Variants in EVA1C observed in about 807,000 individuals in gnomAD.
EVA1C encodes eva-1 homolog C, also known as protein eva-1 homolog C.
A neutral mutation model predicts 45.4 loss-of-function variants in EVA1C; 25 were observed. The ratio of observed to expected loss-of-function variants is 0.55; its 90% CI spans 0.40 to 0.77. The LOEUF is 0.77. EVA1C is among the 30% of genes least tolerant of loss of function. EVA1C has a pLI of 0.00. For synonymous variants in EVA1C, 190 were observed against 221.2 expected (o/e 0.86, Z 1.25); for missense variants, 479 against 554.8 (o/e 0.86, Z 1.37).
At position 32,457,673 on chromosome 21, in the gene EVA1C, G is replaced by T; in HGVS notation, c.434G>T (p.Cys145Phe). The T allele has an allele frequency of 6.2e-7, 1 of 1,614,144 alleles. No individual in the cohort carries two copies. Among genetic ancestry groups the T allele is most frequent in the Non-Finnish European group, 8.5e-7 (1 of 1,180,016 alleles). ...AGCCGTGTTTTTGGACCTGACCTTT[G>T]TCCAGGAAGCAGTAAATACCTCCTG... ...VNSRVFGPDLCPGSSKYLLVS... is the reference protein window; with the variant it reads ...VNSRVFGPDLFPGSSKYLLVS... The change falls in exon 3 of 8, where the codon TGT (cysteine) becomes TTT (phenylalanine). Residue 145 changes from cysteine (C) to phenylalanine (F), a missense_variant. This residue lies in a region of EVA1C where 366 missense variants were observed against 426.1 expected (regional missense o/e 0.86). Transcript: ENST00000300255.
At position 32,412,834 on chromosome 21, in the gene EVA1C, G is replaced by T; in HGVS notation, c.-20G>T. On this transcript the variant is annotated 5_prime_UTR_variant, in exon 1 of 8. Transcript: ENST00000300255. ...CAGCGCGTCCCGGGCCTGCGCCTCC[G>T]CCCCGCCGCGCAGCGCACGATGCTT... 2.1e-6 allele frequency: 3 copies of T among 1,410,820 alleles called. No homozygotes were observed. Among genetic ancestry groups the T allele is most frequent in the Non-Finnish European group, 2.8e-6 (3 of 1,090,356 alleles). 87.4% of individuals were successfully genotyped at this position (1,410,820 alleles called of 1,614,324 possible). A position where few individuals can be genotyped will look rare whatever the true frequency, so the allele number is the denominator to read the frequency against.
At chr21:32,425,741 C>T (rs773279464) in intron 1 of EVA1C, among the ~76,000 whole-genome samples, 4 of 152,092 alleles carry the variant, frequency 2.6e-5, no homozygotes, top group Non-Finnish European at 4.4e-5. Context: ...GATTTTGTCC[C>T]TTGGGAATAT....
At chr21:32,441,808 A>T (rs899902172) in intron 1 of EVA1C, among the ~76,000 whole-genome samples, 5 of 152,210 alleles carry the variant, frequency 3.3e-5, no homozygotes, top group Admixed American at 6.5e-5. Context: ...TAATTGGGTG[A>T]CTATTAGAAA....
chr21:32,506,776 A>G (rs975252366), intron 7 of EVA1C, among the ~76,000 whole-genome samples: 1 of 152,172 alleles, frequency 6.6e-6, no homozygotes, highest in African/African-American at 2.4e-5. Context: ...GCCACCAGCC[A>G]ATGTCACACA....
intron 7 of EVA1C, among the ~76,000 whole-genome samples, chr21:32,509,687 CGAGT>C (rs1382265761): frequency 1.3e-5 from 2 of 151,836 alleles, no homozygotes; most frequent in East Asian, 1.9e-4. Context: ...ACCCACTCAG[CGAGT>C]GAGTGACGAT....
At chr21:32,510,368 AC>A (rs1269726616) in intron 7 of EVA1C, among the ~76,000 whole-genome samples, 1 of 152,058 alleles carries the variant, frequency 6.6e-6, no homozygotes, top group Non-Finnish European at 1.5e-5. Context: ...TTCCGCCATT[AC>A]TTTTGCACCA....
At chr21:32,479,963 C>G (rs2036718237) in intron 4 of EVA1C, among the ~76,000 whole-genome samples, 1 of 151,790 alleles carries the variant, frequency 6.6e-6, no homozygotes, top group African/African-American at 2.4e-5. Flanking sequence ...AGCTGCATGC[C>G]TTGGTAAACT....
intron 6 of EVA1C, among the ~76,000 whole-genome samples, chr21:32,502,687 A>G (rs6517102): frequency 0.26 from 40,035 of 152,104 alleles, 6,871 homozygotes; most frequent in African/African-American, 0.49. Context: ...AGCTCAAAGA[A>G]AACTATTGGT....
intron 4 of EVA1C, among the ~76,000 whole-genome samples, chr21:32,471,298 G>T (rs1267316086): frequency 3.3e-5 from 5 of 150,626 alleles, no homozygotes; most frequent in African/African-American, 1.2e-4. Flanking sequence ...CGGGCTCTGT[G>T]TTCCCCTACT....
At chr21:32,441,049 C>T (rs941800744) in intron 1 of EVA1C, among the ~76,000 whole-genome samples, 11 of 152,134 alleles carry the variant, frequency 7.2e-5, no homozygotes, top group African/African-American at 2.7e-4. Context: ...TTGCAGTGAG[C>T]CAAGATGATG....
Position 32,452,611 on chromosome 21 carries a change from C to T in EVA1C, c.161-701C>T, listed in dbSNP as rs1317551894. 2.6e-5 allele frequency: 4 copies of T among 152,236 alleles called. No individual in the cohort carries two copies. The highest frequency in any genetic ancestry group is 4.8e-5 in the African/African-American group (2 of 41,440). 9.4% of individuals were successfully genotyped at this position (152,236 alleles called of 1,614,324 possible). On this transcript the variant is annotated intron_variant, in intron 1 of 7. Coordinates refer to ENST00000300255, the MANE Select transcript of EVA1C (RefSeq NM_058187.5). The surrounding 1 kb of genome is among the most constrained non-coding windows in gnomAD (Gnocchi z 4.0). Reference sequence around the variant, plus strand: ...CACAAAGACAGATGGCTTTCTGTATCCCAGGTTCTTGCCCTAGTGTACTCG... The same window carrying T: ...CACAAAGACAGATGGCTTTCTGTATTCCAGGTTCTTGCCCTAGTGTACTCG...
At chr21:32,413,077 T>C (rs2146081849) in intron 1 of EVA1C, 64 bp downstream of exon 1, 4 of 1,274,744 alleles carry the variant, frequency 3.1e-6, no homozygotes, top group Non-Finnish European at 3.0e-6. Context: ...AACCCTCGAC[T>C]GGGGGCAGCC....
chr21:32,509,777 G>T (rs1358879624), intron 7 of EVA1C, among the ~76,000 whole-genome samples: 1 of 151,636 alleles, frequency 6.6e-6, no homozygotes, highest in Non-Finnish European at 1.5e-5. Context: ...GGCTAAGGCA[G>T]GGGGAGGTAT....
Position 32,501,408 on chromosome 21 carries a change from CT to C in EVA1C, c.779-3del. On this transcript the variant is annotated splice_polypyrimidine_tract_variant and splice_region_variant and intron_variant, in intron 5 of 7. Coordinates refer to ENST00000300255, the MANE Select transcript of EVA1C (RefSeq NM_058187.5). ...CGAATTTAAAATATTTCTTTTTTGG[CT>C]TTTAGTTCCCAAGAACATACTCACA... 1 of 1,581,472 alleles carries C rather than the reference CT, an allele frequency of 6.3e-7. No homozygotes were observed.
chr21:32,499,915 G>T (rs1354124090), intron 5 of EVA1C, among the ~76,000 whole-genome samples: 4 of 152,108 alleles, frequency 2.6e-5, no homozygotes, highest in African/African-American at 9.7e-5. Context: ...CTTAGGGTCA[G>T]TTCAGCAGAG....
chr21:32,453,161 A>T (rs2035646925), intron 1 of EVA1C, 151 bp from the exon 2 acceptor site: 3 of 538,646 alleles, frequency 5.6e-6, no homozygotes, highest in African/African-American at 1.9e-5. Flanking sequence ...TGGTTTGGTG[A>T]CCTCTGCACC....
At chr21:32,479,042 TTAAG>T (rs1417660300) in intron 4 of EVA1C, among the ~76,000 whole-genome samples, 1 of 152,258 alleles carries the variant, frequency 6.6e-6, no homozygotes, top group Non-Finnish European at 1.5e-5. Context: ...AGTTTCACTG[TTAAG>T]TAATAGCCAA....
Position 32,467,791 on chromosome 21 carries a change from A to G in EVA1C, c.577A>G (p.Arg193Gly). Residue 193 changes from arginine (R) to glycine (G), a missense_variant, in exon 4 of 8, where the codon AGG (arginine) becomes GGG (glycine). Physicochemically the swap from Arg to Gly is moderately radical, Grantham distance 125. This residue lies in a region of EVA1C where 366 missense variants were observed against 426.1 expected (regional missense o/e 0.86). Transcript: ENST00000300255. The stretch of plus-strand genomic sequence containing the variant: ...CAACATCTACTCTGCGACCTACGGC[A>G]GGAGGACCCAGGAAAGGGACATCTG... ...FLNIYSATYG[R>G]RTQERDICSS... The G allele has an allele frequency of 2.5e-6, 4 of 1,613,216 alleles. No individual in the cohort carries two copies. The highest frequency in any genetic ancestry group is 3.4e-6 in the Non-Finnish European group (4 of 1,179,580).
At chr21:32,472,193 C>T (rs777928877) in intron 4 of EVA1C, among the ~76,000 whole-genome samples, 10 of 152,188 alleles carry the variant, frequency 6.6e-5, no homozygotes, top group Non-Finnish European at 7.3e-5. Flanking sequence ...GACTCTCGCT[C>T]TGTCGCCCAC....
Sources: allele counts gnomAD v4.1 joint callset (sites outside exome capture counted in the v4.1 genomes callset), GRCh38; gene constraint gnomAD v4.1.1; regional missense constraint gnomAD v4.1.1; non-coding constraint Gnocchi (gnomAD v3.1); transcripts MANE v1.5; gene names NCBI Gene and HGNC (gene_info 2026-07-23, HGNC 2026-07-21).